The following ADAMTS2 variants were observed in gnomAD, a reference collection of about 807,000 sequenced individuals.
ADAMTS2 encodes the protein A disintegrin and metalloproteinase with thrombospondin motifs 2.
In ADAMTS2, 50 loss-of-function variants were observed where a neutral mutation model predicts 123.0. The observed-to-expected ratio is 0.41, with a 90% CI of 0.32 to 0.51. ADAMTS2 has a LOEUF of 0.51. ADAMTS2 is among the 20% of genes least tolerant of loss of function. The pLI is 0.35. For missense variants in ADAMTS2, 1,494 were observed against 1,705.2 expected (o/e 0.88, Z 2.18); for synonymous variants, 678 against 695.4 (o/e 0.98, Z 0.39).
intron 3 of ADAMTS2, among the ~76,000 whole-genome samples, chr5:179,218,016 C>T (rs1202879530): frequency 6.6e-6 from 1 of 152,208 alleles, no homozygotes; most frequent in Non-Finnish European, 1.5e-5. Context: ...TTTTCCAGTG[C>T]TTAGGAGTCC....
intron 4 of ADAMTS2, among the ~76,000 whole-genome samples, chr5:179,205,107 G>A (rs1040020461): frequency 1.3e-5 from 2 of 152,188 alleles, no homozygotes; most frequent in African/African-American, 4.8e-5. Flanking sequence ...GGATCACTAG[G>A]GTTTGAATAA....
intron 4 of ADAMTS2, among the ~76,000 whole-genome samples, chr5:179,205,125 C>T (rs614114): frequency 0.31 from 47,744 of 152,108 alleles, 8,156 homozygotes; most frequent in Middle Eastern, 0.44. Context: ...TAAAGTTGGA[C>T]GGCAAAAGTG....
chr5:179,275,092 C>T (rs552418541), intron 2 of ADAMTS2, among the ~76,000 whole-genome samples: 2 of 152,200 alleles, frequency 1.3e-5, no homozygotes, highest in East Asian at 3.9e-4. Context: ...GCCCATCACT[C>T]AGGGGGCTGG....
chr5:179,263,388 T>C (rs1486013386), intron 3 of ADAMTS2, among the ~76,000 whole-genome samples: 1 of 151,860 alleles, frequency 6.6e-6, no homozygotes, highest in East Asian at 1.9e-4. Context: ...TATTCCCCCA[T>C]GATTTGGGGA....
chr5:179,332,961 C>A lies in ADAMTS2; in HGVS notation c.534+10806G>T, dbSNP rs2127459966. Among the ~76,000 whole-genome samples the A allele has an allele frequency of 6.6e-6, 1 of 152,178 alleles. No individual in the cohort carries two copies. Among genetic ancestry groups the A allele is most frequent in the East Asian group, 1.9e-4 (1 of 5,196 alleles). On this transcript the variant is annotated intron_variant, in intron 2 of 21. Coordinates refer to ENST00000251582, the MANE Select transcript of ADAMTS2 (RefSeq NM_014244.5). This position sits in a 1 kb window ranked among gnomAD's most constrained non-coding sequence, Gnocchi z 4.2. ...GCCCTGCAGCAAAGGCCAGCTACTG[C>A]CCTGGGAGCCCTCACCCCCTTATCC... is the stretch of plus-strand genomic sequence containing the variant.
At chr5:179,299,278 C>T (rs1039160208) in intron 2 of ADAMTS2, among the ~76,000 whole-genome samples, 1 of 144,826 alleles carries the variant, frequency 6.9e-6, no homozygotes, top group Non-Finnish European at 1.5e-5. Context: ...GCCTGTAATC[C>T]CAGCACTTTG....
rs1326695507 is a variant in ADAMTS2 at position 179,185,066 on chromosome 5, G to A, written c.892-3911C>T. The stretch of plus-strand genomic sequence containing the variant: ...CAAACCTCCCAGGGTTGGAAGCAGC[G>A]AGGCACCTTCCAAGCACAGAGGGGA... On this transcript the variant is annotated intron_variant, in intron 4 of 21. Transcript: ENST00000251582. This position sits in a 1 kb window ranked among gnomAD's most constrained non-coding sequence, Gnocchi z 5.9. 2.0e-5 allele frequency among the ~76,000 whole-genome samples: 3 copies of A among 152,144 alleles called. No homozygotes were observed. The highest frequency in any genetic ancestry group is 7.2e-5 in the African/African-American group (3 of 41,418).
intron 3 of ADAMTS2, among the ~76,000 whole-genome samples, chr5:179,217,804 T>C (rs6861802): frequency 0.016 from 1,003 of 63,380 alleles, 50 homozygotes; most frequent in African/African-American, 0.048. Context: ...AAGGGGGGGA[T>C]GGGCACACTC....
intron 3 of ADAMTS2, among the ~76,000 whole-genome samples, chr5:179,264,816 T>A (rs1458613750): frequency 1.3e-5 from 2 of 148,264 alleles, no homozygotes; most frequent in Non-Finnish European, 3.0e-5. Flanking sequence ...GGTTCTGAGA[T>A]CCTGAGGGGC....
In ADAMTS2 at chr5:179,162,090, G is replaced by C. The variant is rs1028593000; in HGVS notation, c.976-3211C>G. ...GCACGTCTCCCAGCATCAGTGTCAA[G>C]GGAGTCCTGTCCAAGATGAACTCAC... On this transcript the variant is annotated intron_variant, in intron 5 of 21. Transcript: ENST00000251582. The surrounding 1 kb of genome is among the most constrained non-coding windows in gnomAD (Gnocchi z 5.1). Among the ~76,000 whole-genome samples the C allele has an allele frequency of 6.6e-5, 10 of 152,140 alleles. No homozygotes were observed. Among genetic ancestry groups the C allele is most frequent in the Non-Finnish European group, 1.2e-4 (8 of 68,012 alleles).
In ADAMTS2 at chr5:179,343,852, G is replaced by C. The variant is rs1389404366; in HGVS notation, c.449C>G (p.Pro150Arg). 4.4e-6 allele frequency: 7 copies of C among 1,600,036 alleles called. No individual in the cohort carries two copies. Among genetic ancestry groups the C allele is most frequent in the Non-Finnish European group, 6.0e-6 (7 of 1,175,034 alleles). ...GACGTAGAGACAGCTCCCGAGCAGG[G>C]GCTCCACGCGGGTGGTGCCCTTCTC... Reference protein sequence around the residue: ...QGEKGTTRVEPLLGSCLYVGD... With the variant: ...QGEKGTTRVERLLGSCLYVGD... The change falls in exon 2 of 22, where the codon CCC becomes CGC. Residue 150 changes from proline to arginine, a missense_variant. Coordinates refer to ENST00000251582, the MANE Select transcript of ADAMTS2 (RefSeq NM_014244.5).
At chr5:179,156,701 A>G (rs2113259189) in intron 6 of ADAMTS2, among the ~76,000 whole-genome samples, 1 of 152,146 alleles carries the variant, frequency 6.6e-6, no homozygotes, top group East Asian at 1.9e-4. Context: ...CCATAATTTT[A>G]TACAAATGGT....
At chr5:179,300,814 TAA>T (rs1756494650) in intron 2 of ADAMTS2, among the ~76,000 whole-genome samples, 1 of 152,164 alleles carries the variant, frequency 6.6e-6, no homozygotes, top group South Asian at 2.1e-4. Context: ...ACATACAACT[TAA>T]TTCAGTAACA....
chr5:179,190,942 C>T (rs774603639), intron 4 of ADAMTS2, among the ~76,000 whole-genome samples: 5 of 152,264 alleles, frequency 3.3e-5, no homozygotes, highest in Admixed American at 2.0e-4. Context: ...GGCACGTCCG[C>T]GAGTGTGACC....
intron 3 of ADAMTS2, among the ~76,000 whole-genome samples, chr5:179,226,468 G>A (rs967442314): frequency 2.0e-5 from 3 of 150,722 alleles, no homozygotes; most frequent in African/African-American, 4.9e-5. Flanking sequence ...GTAGAGACAG[G>A]ATTTCACCAT....
intron 2 of ADAMTS2, among the ~76,000 whole-genome samples, chr5:179,289,125 G>T (rs2113540674): frequency 6.6e-6 from 1 of 152,164 alleles, no homozygotes; most frequent in African/African-American, 2.4e-5. Context: ...CTCCTGCAGG[G>T]CTCTGCTCAC....
intron 2 of ADAMTS2, among the ~76,000 whole-genome samples, chr5:179,342,252 TG>T (rs1757798247): frequency 6.6e-6 from 1 of 152,144 alleles, no homozygotes; most frequent in Non-Finnish European, 1.5e-5. Flanking sequence ...TGCAACCCCA[TG>T]TCAACTCCCA....
Position 179,119,357 on chromosome 5 carries a change from G to A in ADAMTS2, c.3178+2304C>T, listed in dbSNP as rs571107258. ...CCCAAGGCCTGTCCCCATGACACTG[G>A]GCTGCTCCCCACTGTTCTTTCTCAT... On this transcript the variant is annotated intron_variant, in intron 21 of 21. Transcript: ENST00000251582. Among the ~76,000 whole-genome samples, 13 of 152,304 alleles carry A rather than the reference G, an allele frequency of 8.5e-5. No homozygotes were observed. In the South Asian group the frequency reaches 2.7e-3, roughly 32 times the overall value.
chr5:179,278,498 T>C (rs1766805500), intron 2 of ADAMTS2, among the ~76,000 whole-genome samples: 2 of 152,072 alleles, frequency 1.3e-5, no homozygotes, highest in African/African-American at 4.8e-5. Context: ...CCCCACTCAA[T>C]AAATATTAAA....
Sources: allele counts gnomAD v4.1 joint callset (sites outside exome capture counted in the v4.1 genomes callset), GRCh38; gene constraint gnomAD v4.1.1; non-coding constraint Gnocchi (gnomAD v3.1); transcripts MANE v1.5; gene names NCBI Gene and HGNC (gene_info 2026-07-23, HGNC 2026-07-21).